SLC12A7: variants seen among roughly 807,000 people sequenced by gnomAD.
SLC12A7 encodes the protein K-Cl cotransporter 4.
In SLC12A7, 100 loss-of-function variants were observed where a neutral mutation model predicts 120.6. The ratio of observed to expected loss-of-function variants is 0.83; its 90% confidence interval spans 0.71 to 0.98. SLC12A7 has a LOEUF of 0.98. SLC12A7 is among the 50% of genes least tolerant of loss of function. The pLI, the probability that SLC12A7 is intolerant of heterozygous loss-of-function variation, is 0.00. For missense variants in SLC12A7, 1,373 were observed against 1,548.1 expected, an observed-to-expected ratio of 0.89 and a Z score of 1.90; for synonymous variants, 760 against 678.0, an observed-to-expected ratio of 1.12 and a Z score of -1.88.
intron 22 of SLC12A7, 30 bp from the exon 23 acceptor site, chr5:1,053,512 C>CGGCG: frequency 5.0e-6 from 8 of 1,607,324 alleles, no homozygotes; most frequent in Non-Finnish European, 5.9e-6. Context: ...GGTCAGCGGG[C>CGGCG]GGCGGGTGCA....
chr5:1,119,199 A>T, the SLC12A7 span, among the ~76,000 whole-genome samples: 4 of 151,966 alleles, frequency 2.6e-5, no homozygotes, highest in Non-Finnish European at 5.9e-5. Flanking sequence ...TTCTGCTGGG[A>T]TCAGAGAAGC....
At chr5:1,127,326 A>C in the SLC12A7 span, among the ~76,000 whole-genome samples, 78 of 152,356 alleles carry the variant, frequency 5.1e-4, 1 homozygote, top group South Asian at 0.016. Flanking sequence ...TGATGTCCTT[A>C]TATGGACAGC....
At chr5:1,106,911 G>A (rs890936828) in intron 1 of SLC12A7, among the ~76,000 whole-genome samples, 8 of 152,188 alleles carry the variant, frequency 5.3e-5, no homozygotes, top group African/African-American at 1.4e-4. Context: ...TCATCCTCAC[G>A]GGTGTGGGAC....
chr5:1,112,799 G>C (rs1227030749), upstream of SLC12A7, among the ~76,000 whole-genome samples: 2 of 149,578 alleles, frequency 1.3e-5, no homozygotes, highest in Non-Finnish European at 3.0e-5. Context: ...AAGGAGCCTT[G>C]GATAGCCTGG....
chr5:1,062,975 G>A lies in SLC12A7; in HGVS notation c.2739+869C>T, dbSNP rs577372085. 5.2e-5 allele frequency: 8 copies of A among 153,644 alleles called. No homozygotes were observed. The South Asian group carries it at 1.0e-3, about 20-fold the overall frequency. 9.5% of individuals were successfully genotyped at this position (153,644 alleles called of 1,614,324 possible). A position where few individuals can be genotyped will look rare whatever the true frequency, so the allele number is the denominator to read the frequency against. On this transcript the variant is annotated intron_variant, in intron 20 of 23. Transcript: ENST00000264930. ...GGGGTCAGAACCCACAAAGTCCCGG[G>A]ACCGCCAGCAGGACCGGAGGGGAAG... is the stretch of plus-strand genomic sequence containing the variant.
the SLC12A7 span, among the ~76,000 whole-genome samples, chr5:1,153,705 G>A: frequency 1.2e-3 from 176 of 152,302 alleles, no homozygotes; most frequent in Non-Finnish European, 1.9e-3. Flanking sequence ...CTGACTTGGC[G>A]CTCTAGTTCA....
chr5:1,061,484 G>A (rs1352695087), intron 20 of SLC12A7, among the ~76,000 whole-genome samples: 9 of 92,278 alleles, frequency 9.8e-5, no homozygotes, highest in African/African-American at 3.4e-4. Context: ...CGCACCCGCC[G>A]TGCGGGATCC....
At chr5:1,126,005 C>A in the SLC12A7 span, among the ~76,000 whole-genome samples, 1 of 151,698 alleles carries the variant, frequency 6.6e-6, no homozygotes, top group Non-Finnish European at 1.5e-5. Flanking sequence ...CAAAAAGTCA[C>A]TCATGTTATT....
Position 1,089,010 on chromosome 5 carries a change from A to G in SLC12A7, c.461T>C (p.Phe154Ser). ...IVGVAGVLES[F>S]LIVAMCCTCT... Reference sequence around the variant, plus strand: ...TGTGCAGCACATGGCCACGATGAGGAAGGACTCCAGGACACCAGCCACCCC... The same window carrying G: ...TGTGCAGCACATGGCCACGATGAGGGAGGACTCCAGGACACCAGCCACCCC... The change falls in exon 4 of 24, where the codon TTC (phenylalanine) becomes TCC (serine). Residue 154 changes from phenylalanine (F) to serine (S), a missense_variant. Physicochemically the swap from Phe to Ser is radical, Grantham distance 155 (BLOSUM62 -2). Transcript: ENST00000264930. 6.2e-7 allele frequency: 1 copy of G among 1,612,988 alleles called. No individual in the cohort carries two copies. Among genetic ancestry groups the G allele is most frequent in the Non-Finnish European group, 8.5e-7 (1 of 1,179,958 alleles).
the SLC12A7 span, among the ~76,000 whole-genome samples, chr5:1,119,795 C>G: frequency 6.6e-6 from 1 of 152,268 alleles, no homozygotes; most frequent in Non-Finnish European, 1.5e-5. Context: ...CAAATGGGGT[C>G]CACCGGCGCT....
Position 1,102,364 on chromosome 5 carries a change from A to C in SLC12A7, c.125-8116T>G, listed in dbSNP as rs117974510. On this transcript the variant is annotated intron_variant, in intron 1 of 23. Coordinates refer to ENST00000264930, the MANE Select transcript of SLC12A7 (RefSeq NM_006598.3). Reference sequence around the variant, plus strand: ...TCCCCTCTGAGATCACAATGCCTCCATCAGCCTCCCTATCTCCAGGCACAA... The same window carrying C: ...TCCCCTCTGAGATCACAATGCCTCCCTCAGCCTCCCTATCTCCAGGCACAA... Among the ~76,000 whole-genome samples the C allele has an allele frequency of 7.2e-5, 11 of 152,248 alleles. No individual in the cohort carries two copies. In the East Asian group the frequency reaches 2.1e-3, roughly 29 times the overall value.
At chr5:1,116,602 G>T (rs946037707), upstream of SLC12A7, among the ~76,000 whole-genome samples, 1 of 152,166 alleles carries the variant, frequency 6.6e-6, no homozygotes, top group Non-Finnish European at 1.5e-5. Context: ...GGAAGATTCC[G>T]TGGATGAGTC....
the SLC12A7 span, among the ~76,000 whole-genome samples, chr5:1,130,596 G>A: frequency 2.7e-5 from 4 of 150,814 alleles, no homozygotes; most frequent in African/African-American, 4.9e-5. Context: ...GCCCGCGCAG[G>A]TCCCCTCACC....
upstream of SLC12A7, among the ~76,000 whole-genome samples, chr5:1,115,984 T>A (rs542877411): frequency 6.6e-6 from 1 of 151,136 alleles, no homozygotes; most frequent in African/African-American, 2.5e-5. Context: ...GTGGGGTATG[T>A]GGACATCAGT....
chr5:1,151,386 C>A, the SLC12A7 span, among the ~76,000 whole-genome samples: 1 of 152,154 alleles, frequency 6.6e-6, no homozygotes, highest in African/African-American at 2.4e-5. The surrounding 1 kb of genome is among the most constrained non-coding windows in gnomAD (Gnocchi z 6.2). Flanking sequence ...GCTAAGCTGG[C>A]GTCTGCAGGG....
intron 8 of SLC12A7, among the ~76,000 whole-genome samples, chr5:1,082,483 G>A (rs1236475563): frequency 5.5e-5 from 7 of 128,044 alleles, no homozygotes; most frequent in South Asian, 2.8e-4. Flanking sequence ...TGGAAAGTCC[G>A]GGCTTCCCCG....
chr5:1,090,769 G>A (rs763388647), intron 3 of SLC12A7, among the ~76,000 whole-genome samples: 7 of 152,200 alleles, frequency 4.6e-5, no homozygotes, highest in Non-Finnish European at 8.8e-5. Flanking sequence ...GGCCAAAGGC[G>A]GGGGATCCTG....
intron 3 of SLC12A7, among the ~76,000 whole-genome samples, chr5:1,092,616 G>C (rs774880520): frequency 5.8e-4 from 88 of 152,260 alleles, no homozygotes; most frequent in Middle Eastern, 3.4e-3. Context: ...CGAAGGAGGG[G>C]GGCACAGGCT....
rs141825245 is a variant in SLC12A7 at position 1,081,729 on chromosome 5, G to A, written c.1145C>T (p.Thr382Met). The change falls in exon 9 of 24, where the codon ACG becomes ATG. Residue 382 changes from threonine (T) to methionine (M), a missense_variant. Physicochemically the swap from Thr to Met is moderately conservative, Grantham distance 81 (BLOSUM62 -1). Transcript: ENST00000264930. ...SGVFLENLWS[T>M]YAHAGAFVEK... ...CACAAACGCCCCCGCGTGCGCGTAC[G>A]TACTCCACAGGTTCTCTGCCGGGCA... 107 of 1,612,384 alleles carry A rather than the reference G, an allele frequency of 6.6e-5. No individual in the cohort carries two copies. The highest frequency in any genetic ancestry group is 8.1e-5 in the Non-Finnish European group (96 of 1,179,682).
Sources: allele counts gnomAD v4.1 joint callset (sites outside exome capture counted in the v4.1 genomes callset), GRCh38; gene constraint gnomAD v4.1.1; non-coding constraint Gnocchi (gnomAD v3.1); transcripts MANE v1.5; gene names NCBI Gene and HGNC (gene_info 2026-07-23, HGNC 2026-07-21).